The following SETBP1 variants were observed in gnomAD, a reference collection of about 807,000 sequenced individuals.
SETBP1 encodes the protein SET binding protein 1, also known as SET-binding protein.
Under a neutral mutation model 101.0 loss-of-function variants are expected in SETBP1, and 9 were observed. That is an observed-to-expected ratio of 0.09 (90% CI 0.05 to 0.16). The LOEUF (loss-of-function observed/expected upper bound fraction) is 0.16. SETBP1 is among the 10% of genes least tolerant of loss of function. The pLI, the probability that SETBP1 is intolerant of heterozygous loss-of-function variation, is 1.00. For synonymous variants in SETBP1, 818 were observed against 788.5 expected, an observed-to-expected ratio of 1.04 and a Z score of -0.63; for missense variants, 1,858 against 2,033.8, an observed-to-expected ratio of 0.91 and a Z score of 1.66.
intron 2 of SETBP1, among the ~76,000 whole-genome samples, chr18:44,792,343 T>G (rs942592041): frequency 3.3e-5 from 5 of 152,152 alleles, no homozygotes; most frequent in African/African-American, 1.2e-4. Flanking sequence ...CCAGATGATT[T>G]TTAGGTCCCA....
At chr18:44,740,998 T>C (rs2070085327) in intron 2 of SETBP1, among the ~76,000 whole-genome samples, 1 of 152,196 alleles carries the variant, frequency 6.6e-6, no homozygotes, top group South Asian at 2.1e-4. Flanking sequence ...GATTATAAGA[T>C]CATCAAATAT....
chr18:44,860,868 A>C (rs1047090734), intron 2 of SETBP1, among the ~76,000 whole-genome samples: 84 of 152,324 alleles, frequency 5.5e-4, no homozygotes, highest in African/African-American at 2.0e-3. Context: ...ATCCACTCCT[A>C]GTAGGAGACG....
intron 3 of SETBP1, among the ~76,000 whole-genome samples, chr18:44,937,371 C>T (rs2070984485): frequency 6.9e-6 from 1 of 144,262 alleles, no homozygotes; most frequent in South Asian, 2.2e-4. Context: ...AGGAGAATGG[C>T]GTGAACCCGG....
intron 2 of SETBP1, among the ~76,000 whole-genome samples, chr18:44,739,677 G>T (rs907099504): frequency 2.0e-5 from 3 of 152,118 alleles, no homozygotes; most frequent in Non-Finnish European, 4.4e-5. Flanking sequence ...GATAATTTTG[G>T]TTATTCAACT....
chr18:44,709,743 G>A (rs2069298543), intron 2 of SETBP1, among the ~76,000 whole-genome samples: 1 of 152,028 alleles, frequency 6.6e-6, no homozygotes, highest in South Asian at 2.1e-4. Context: ...TATGTTAGCT[G>A]GGGGGCAGCA....
At chr18:44,778,367 G>T (rs915980394) in intron 2 of SETBP1, among the ~76,000 whole-genome samples, 2 of 152,152 alleles carry the variant, frequency 1.3e-5, no homozygotes, top group African/African-American at 4.8e-5. Context: ...TTTATTCGGG[G>T]TATTTTGTAA....
At chr18:44,905,908 TG>T (rs1251389585) in intron 3 of SETBP1, among the ~76,000 whole-genome samples, 1 of 152,226 alleles carries the variant, frequency 6.6e-6, no homozygotes, top group Non-Finnish European at 1.5e-5. Context: ...CAGAAAGTTT[TG>T]GTGCTACCAT....
intron 2 of SETBP1, among the ~76,000 whole-genome samples, chr18:44,825,256 A>G (rs1241034636): frequency 1.3e-5 from 2 of 152,342 alleles, no homozygotes; most frequent in Non-Finnish European, 1.5e-5. Flanking sequence ...GAGATTATCT[A>G]AAAGGACTGG....
At chr18:44,683,904 T>C (rs1371156202) in intron 1 of SETBP1, among the ~76,000 whole-genome samples, 1 of 152,196 alleles carries the variant, frequency 6.6e-6, no homozygotes, top group Non-Finnish European at 1.5e-5. Flanking sequence ...ATGGGGCAAA[T>C]TATTATGAAC....
Position 45,063,439 on chromosome 18 carries a change from C to G in SETBP1, c.4532C>G (p.Ala1511Gly). Residue 1511 changes from alanine (A) to glycine (G), a missense_variant, in exon 6 of 6, where the codon GCG (alanine) becomes GGG (glycine). Ala to Gly is a moderately conservative substitution (Grantham distance 60). This residue lies in a region of SETBP1 where 178 missense variants were observed against 189.1 expected (regional missense o/e 0.94). Coordinates refer to ENST00000649279, the MANE Select transcript of SETBP1 (RefSeq NM_015559.3). ...GACACCATCATGGCCACCATCGAGG[C>G]GGTCATCCACATGGCCCGGGAGGCG... is the stretch of plus-strand genomic sequence containing the variant. ...SQDTIMATIE[A>G]VIHMAREAPP... 6.7e-7 allele frequency: 1 copy of G among 1,498,236 alleles called. No homozygotes were observed. Among genetic ancestry groups the G allele is most frequent in the Non-Finnish European group, 8.9e-7 (1 of 1,124,072 alleles). 92.8% of individuals were successfully genotyped at this position (1,498,236 alleles called of 1,614,324 possible).
At chr18:44,691,446 C>T (rs2068931711) in intron 1 of SETBP1, among the ~76,000 whole-genome samples, 1 of 151,398 alleles carries the variant, frequency 6.6e-6, no homozygotes, top group Non-Finnish European at 1.5e-5. Flanking sequence ...AAAGCCACAG[C>T]TCAACCTGCA....
At position 44,827,614 on chromosome 18, in the gene SETBP1, C is replaced by T. The variant is rs984091381; in HGVS notation, c.487-41616C>T. On this transcript the variant is annotated intron_variant, in intron 2 of 5. Coordinates refer to ENST00000649279, the MANE Select transcript of SETBP1 (RefSeq NM_015559.3). Reference sequence around the variant, plus strand: ...AGATGCAGGTATATTGGGCCTTAGCCTTATCAATCAAACCATGGAGGACTG... The same window carrying T: ...AGATGCAGGTATATTGGGCCTTAGCTTTATCAATCAAACCATGGAGGACTG... Among the ~76,000 whole-genome samples the T allele has an allele frequency of 2.6e-5, 4 of 152,284 alleles. No individual in the cohort carries two copies. The East Asian group carries it at 7.7e-4, about 29-fold the overall frequency.
intron 5 of SETBP1, among the ~76,000 whole-genome samples, chr18:45,061,743 G>A (rs137929766): frequency 3.3e-5 from 5 of 152,292 alleles, no homozygotes; most frequent in African/African-American, 9.6e-5. Context: ...TGTTTTAAGC[G>A]TCTTTTTTCC....
chr18:44,955,023 G>C (rs553642883), intron 4 of SETBP1, among the ~76,000 whole-genome samples: 1 of 152,084 alleles, frequency 6.6e-6, no homozygotes, highest in African/African-American at 2.4e-5. Flanking sequence ...GAACCTACAC[G>C]CAAAAATCCT....
intron 2 of SETBP1, among the ~76,000 whole-genome samples, chr18:44,751,574 TA>T: frequency 9.6e-6 from 1 of 104,706 alleles, no homozygotes; most frequent in Non-Finnish European, 2.3e-5. Flanking sequence ...ATTTATCCTT[TA>T]TTTGTCATTT....
At chr18:44,927,930 A>G (rs528647222) in intron 3 of SETBP1, among the ~76,000 whole-genome samples, 1 of 152,274 alleles carries the variant, frequency 6.6e-6, no homozygotes, top group African/African-American at 2.4e-5. Context: ...TTCTGTGATG[A>G]CATTATATAT....
chr18:44,886,419 T>C (rs1327998420), intron 3 of SETBP1, among the ~76,000 whole-genome samples: 1 of 152,186 alleles, frequency 6.6e-6, no homozygotes, highest in African/African-American at 2.4e-5. Context: ...AAATCTTCAC[T>C]TTGTCCAAGA....
At chr18:44,911,664 A>C (rs2070312246) in intron 3 of SETBP1, among the ~76,000 whole-genome samples, 1 of 152,354 alleles carries the variant, frequency 6.6e-6, no homozygotes, top group Non-Finnish European at 1.5e-5. Flanking sequence ...ATTGTACTAC[A>C]GGTCTAGCCC....
At chr18:44,934,795 T>A (rs901909837) in intron 3 of SETBP1, among the ~76,000 whole-genome samples, 1 of 152,178 alleles carries the variant, frequency 6.6e-6, no homozygotes, top group African/African-American at 2.4e-5. Flanking sequence ...TTTGACCCCA[T>A]TTGTGCTGGC....
Sources: allele counts gnomAD v4.1 joint callset (sites outside exome capture counted in the v4.1 genomes callset), GRCh38; gene constraint gnomAD v4.1.1; regional missense constraint gnomAD v4.1.1; transcripts MANE v1.5; gene names NCBI Gene and HGNC (gene_info 2026-07-23, HGNC 2026-07-21).